The following SORCS3 variants were observed in gnomAD, a reference collection of about 807,000 sequenced individuals.
SORCS3 encodes the protein VPS10 domain-containing receptor SorCS3.
In SORCS3, 57 loss-of-function variants were observed where a neutral mutation model predicts 146.3. The observed-to-expected ratio is 0.39, with a 90% CI of 0.31 to 0.49. SORCS3 has a LOEUF of 0.49. SORCS3 is among the 20% of genes least tolerant of loss of function. The probability of loss-of-function intolerance (pLI) is 0.92; values close to 1 mark genes in which losing one functional copy is unlikely to be tolerated. For synonymous variants in SORCS3, 653 were observed against 618.5 expected, an observed-to-expected ratio of 1.06 and a Z score of -0.83; for missense variants, 1,341 against 1,575.5, an observed-to-expected ratio of 0.85 and a Z score of 2.52.
intron 15 of SORCS3, 21 bp downstream of exon 15, chr10:105,200,137 G>A: frequency 6.3e-7 from 1 of 1,589,538 alleles, no homozygotes; most frequent in African/African-American, 1.3e-5. Flanking sequence ...CAGGGAGTTG[G>A]AGTGCTGGCT....
chr10:104,965,773 T>C (rs1489584311), intron 3 of SORCS3, among the ~76,000 whole-genome samples: 1 of 152,098 alleles, frequency 6.6e-6, no homozygotes, highest in African/African-American at 2.4e-5. Context: ...AATAGGATTG[T>C]TTTCTTGTTA....
At chr10:105,173,580 C>A (rs1037619503) in intron 13 of SORCS3, among the ~76,000 whole-genome samples, 1 of 152,190 alleles carries the variant, frequency 6.6e-6, no homozygotes, top group African/African-American at 2.4e-5. Context: ...TACCACCCCT[C>A]CCCAACTCAT....
chr10:104,957,867 T>C (rs1239097942), intron 3 of SORCS3, among the ~76,000 whole-genome samples: 1 of 152,074 alleles, frequency 6.6e-6, no homozygotes, highest in African/African-American at 2.4e-5. Flanking sequence ...CTGCGTCACG[T>C]TGAGAAGGGA....
chr10:104,699,658 C>T (rs931283667), intron 1 of SORCS3, among the ~76,000 whole-genome samples: 10 of 152,002 alleles, frequency 6.6e-5, no homozygotes, highest in African/African-American at 2.2e-4. Context: ...TTTGAAGAGC[C>T]GGGTCCTTGT....
intron 1 of SORCS3, among the ~76,000 whole-genome samples, chr10:104,837,337 A>G (rs1410161233): frequency 1.3e-5 from 2 of 152,324 alleles, no homozygotes; most frequent in Non-Finnish European, 2.9e-5. Flanking sequence ...AAATAGTTAT[A>G]TGTACCTATA....
At chr10:104,657,163 C>G (rs188731881) in intron 1 of SORCS3, among the ~76,000 whole-genome samples, 97 of 152,146 alleles carry the variant, frequency 6.4e-4, no homozygotes, top group African/African-American at 2.1e-3. Context: ...CTATTGGTCT[C>G]AGGAGGAGGA....
At position 104,794,623 on chromosome 10, in the gene SORCS3, G is replaced by GAGGGAGAGAGAGAGAGAGAGAGAGAC. The variant is rs1491213435; in HGVS notation, c.628-48167_628-48166insGGAGAGAGAGAGAGAGAGAGAGACAG. Among the ~76,000 whole-genome samples the GAGGGAGAGAGAGAGAGAGAGAGAGAC allele has an allele frequency of 1.1e-4, 3 of 27,464 alleles. 1 individual carries two copies. The East Asian group carries it at 1.3e-3, about 12-fold the overall frequency. 18.0% of individuals were successfully genotyped at this position (27,464 alleles called of 152,430 possible). On this transcript the variant is annotated intron_variant, in intron 1 of 26. Transcript: ENST00000369701. ...TGTGTGTGAGAGAGAGAGAGGGAGGGAGAGAGAGAGAGAGAGAGAGAGAGA... is the reference window on the plus strand; with the variant it reads ...TGTGTGTGAGAGAGAGAGAGGGAGGGAGGGAGAGAGAGAGAGAGAGAGAGACAGAGAGAGAGAGAGAGAGAGAGAGA...
chr10:105,169,961 A>C (rs958433875), intron 13 of SORCS3, among the ~76,000 whole-genome samples: 5 of 152,126 alleles, frequency 3.3e-5, no homozygotes, highest in Non-Finnish European at 7.3e-5. Context: ...ACCGACCCTT[A>C]AACTTGGCCA....
intron 1 of SORCS3, among the ~76,000 whole-genome samples, chr10:104,719,718 C>T (rs1235315215): frequency 6.6e-6 from 1 of 152,194 alleles, no homozygotes; most frequent in African/African-American, 2.4e-5. Flanking sequence ...GTATTTATTA[C>T]TTTAAGATCA....
intron 7 of SORCS3, among the ~76,000 whole-genome samples, chr10:105,123,729 T>G (rs1048769932): frequency 6.6e-6 from 1 of 152,106 alleles, no homozygotes; most frequent in African/African-American, 2.4e-5. Flanking sequence ...ATAAACATAA[T>G]TGTGAGAGAC....
intron 1 of SORCS3, among the ~76,000 whole-genome samples, chr10:104,751,969 A>ATATATATAT (rs3976798): frequency 3.4e-3 from 422 of 123,242 alleles, no homozygotes; most frequent in Middle Eastern, 9.0e-3. Flanking sequence ...ATATATATAT[A>ATATATATAT]ATAGTTTAGC....
At chr10:105,108,942 T>A (rs1364096772) in intron 7 of SORCS3, among the ~76,000 whole-genome samples, 1 of 152,216 alleles carries the variant, frequency 6.6e-6, no homozygotes, top group East Asian at 1.9e-4. Flanking sequence ...ATGACATATA[T>A]GTCTTAGTTT....
chr10:105,139,468 T>C lies in SORCS3; in HGVS notation c.1284T>C (p.Pro428=). The C allele has an allele frequency of 1.9e-6, 3 of 1,613,416 alleles. No individual in the cohort carries two copies. The highest frequency in any genetic ancestry group is 2.5e-6 in the Non-Finnish European group (3 of 1,179,486). Residue 428 remains proline (P), a synonymous_variant, in exon 8 of 27, where the codon CCT becomes CCC. Coordinates refer to ENST00000369701, the MANE Select transcript of SORCS3 (RefSeq NM_014978.3). ...RREAFAQIKL[P]KYSLPKDMHI... ...AGGCCTTTGCTCAGATAAAGCTGCC[T>C]AAGTACTCGTTGCCAAAGGTACTGC...
intron 7 of SORCS3, among the ~76,000 whole-genome samples, chr10:105,118,975 T>C (rs540646213): frequency 1.2e-3 from 190 of 152,294 alleles, no homozygotes; most frequent in Admixed American, 3.7e-3. Flanking sequence ...ATGAGCCAAA[T>C]GTTAATCATC....
intron 1 of SORCS3, among the ~76,000 whole-genome samples, chr10:104,809,736 A>G (rs1318655490): frequency 6.6e-6 from 1 of 152,204 alleles, no homozygotes; most frequent in Non-Finnish European, 1.5e-5. Flanking sequence ...TGATGTCTCC[A>G]TCCTCATTTA....
intron 8 of SORCS3, among the ~76,000 whole-genome samples, chr10:105,140,630 TTC>T (rs2056088738): frequency 6.6e-6 from 1 of 152,188 alleles, no homozygotes; most frequent in Non-Finnish European, 1.5e-5. Flanking sequence ...AAGGAGTTAA[TTC>T]TGCAAACAAA....
chr10:104,995,182 T>C (rs112219236), intron 4 of SORCS3, among the ~76,000 whole-genome samples: 10,226 of 146,880 alleles, frequency 0.07, 436 homozygotes, highest in African/African-American at 0.096. Flanking sequence ...TTTTTTGGGA[T>C]GGAGTCTTGC....
At chr10:104,843,708 C>T (rs1012025406) in intron 2 of SORCS3, among the ~76,000 whole-genome samples, 5 of 152,204 alleles carry the variant, frequency 3.3e-5, no homozygotes, top group African/African-American at 1.2e-4. Flanking sequence ...CACACACTTA[C>T]GCCTATACCT....
intron 17 of SORCS3, 32 bp from the exon 18 acceptor site, chr10:105,214,410 A>G: frequency 2.5e-6 from 4 of 1,612,916 alleles, no homozygotes; most frequent in Non-Finnish European, 3.4e-6. Flanking sequence ...CACAATCAAC[A>G]CAAACCACTA....
Sources: gnomAD v4.1 joint callset for allele counts (sites outside exome capture counted in the v4.1 genomes callset) on GRCh38, gnomAD v4.1.1 for gene constraint, MANE v1.5 for transcripts, NCBI Gene and HGNC (gene_info 2026-07-23, HGNC 2026-07-21) for gene names.